The following ZNF567 variants were observed in gnomAD, a reference collection of about 807,000 sequenced individuals.
ZNF567 encodes zinc finger protein 567.
Under a neutral mutation model 53.9 loss-of-function variants are expected in ZNF567, and 36 were observed. That is an observed-to-expected ratio of 0.67 (90% CI 0.51 to 0.88). The LOEUF (loss-of-function observed/expected upper bound fraction) is 0.88. Ranked by LOEUF, ZNF567 falls within the 40% of genes least tolerant of loss-of-function variation. The pLI is 0.00. For synonymous variants in ZNF567, 224 were observed against 260.4 expected (o/e 0.86, Z 1.35); for missense variants, 619 against 764.7 (o/e 0.81, Z 2.25).
At chr19:36,679,622 A>G in the ZNF567 span, among the ~76,000 whole-genome samples, 1 of 152,230 alleles carries the variant, frequency 6.6e-6, no homozygotes, top group African/African-American at 2.4e-5. Context: ...AATGGAGGAT[A>G]TATACACAGT....
rs1357977301 is a variant in ZNF567 at position 36,719,135 on chromosome 19, T to G, written c.411T>G (p.His137Gln). Residue 137 changes from histidine to glutamine, a missense_variant, in exon 6 of 6, where the codon CAT (histidine) becomes CAG (glutamine). Physicochemically the swap from His to Gln is conservative, Grantham distance 24. Transcript: ENST00000682579. ...ATCTACCTCCTGAATATGATACTCA[T>G]GGAAGGATTTTGAAAAATGTTTCAG... ...SKNLPPEYDT[H>Q]GRILKNVSEL... is the part of the protein sequence containing the mutation. The G allele has an allele frequency of 1.2e-6, 2 of 1,611,664 alleles. No individual in the cohort carries two copies. The highest frequency in any genetic ancestry group is 1.7e-5 in the Admixed American group (1 of 59,540).
intron 3 of ZNF567, among the ~76,000 whole-genome samples, chr19:36,706,712 C>A (rs2039513592): frequency 8.2e-6 from 1 of 122,598 alleles, no homozygotes; most frequent in Non-Finnish European, 1.6e-5. Context: ...CTTGTTCTGT[C>A]ACCCAGACTG....
Position 36,719,249 on chromosome 19 carries a change from G to T in ZNF567, c.525G>T (p.Glu175Asp). The change falls in exon 6 of 6, where the codon GAG (glutamate) becomes GAT (aspartate). Residue 175 changes from glutamate to aspartate, a missense_variant. Coordinates refer to ENST00000682579, the MANE Select transcript of ZNF567 (RefSeq NM_001322917.1). ...YGKSLLSTKQ[E>D]TTHPEVKSHN... Reference sequence around the variant, plus strand: ...AATCACTCCTGAGTACTAAACAAGAGACTACTCATCCTGAAGTCAAATCCC... The same window carrying T: ...AATCACTCCTGAGTACTAAACAAGATACTACTCATCCTGAAGTCAAATCCC... The T allele has an allele frequency of 6.2e-7, 1 of 1,613,946 alleles. No homozygotes were observed. The highest frequency in any genetic ancestry group is 8.5e-7 in the Non-Finnish European group (1 of 1,179,950).
intron 2 of ZNF567, among the ~76,000 whole-genome samples, chr19:36,690,118 CA>C (rs1231247371): frequency 6.6e-6 from 1 of 151,982 alleles, no homozygotes; most frequent in Non-Finnish European, 1.5e-5. Context: ...AAAAATTGAA[CA>C]GTGATAACAA....
intron 3 of ZNF567, chr19:36,711,537 A>G (rs1426425220): frequency 6.6e-6 from 1 of 152,168 alleles, no homozygotes; most frequent in East Asian, 1.9e-4. Flanking sequence ...TGTTTATTGT[A>G]TGGCATGTGC....
At chr19:36,667,781 C>T in the ZNF567 span, among the ~76,000 whole-genome samples, 665 of 151,630 alleles carry the variant, frequency 4.4e-3, 7 homozygotes, top group African/African-American at 0.015. Context: ...TCCCGAGTAG[C>T]TGGGACTACA....
In ZNF567 at chr19:36,720,248, T is replaced by G. The variant is rs772716169; in HGVS notation, c.1524T>G (p.Asn508Lys). 6.2e-7 allele frequency: 1 copy of G among 1,614,108 alleles called. No individual in the cohort carries two copies. Among genetic ancestry groups the G allele is most frequent in the Admixed American group, 1.7e-5 (1 of 60,014 alleles). The change falls in exon 6 of 6, where the codon AAT (asparagine) becomes AAG (lysine). Residue 508 changes from asparagine (N) to lysine (K), a missense_variant. By Grantham distance (94) the Asn-to-Lys change is moderately conservative. Coordinates refer to ENST00000682579, the MANE Select transcript of ZNF567 (RefSeq NM_001322917.1). ...THTGEKPYEC[N>K]ECGKSFSQKT... Reference sequence around the variant, plus strand: ...CAGGAGAGAAACCATATGAATGTAATGAATGTGGTAAATCATTCAGTCAAA... The same window carrying G: ...CAGGAGAGAAACCATATGAATGTAAGGAATGTGGTAAATCATTCAGTCAAA...
intron 3 of ZNF567, among the ~76,000 whole-genome samples, chr19:36,697,965 G>A (rs2038975039): frequency 1.4e-5 from 2 of 146,308 alleles, no homozygotes. Context: ...GGGTACATGT[G>A]CACAATGTGC....
At chr19:36,676,169 G>C in the ZNF567 span, among the ~76,000 whole-genome samples, 1 of 140,106 alleles carries the variant, frequency 7.1e-6, no homozygotes, top group Admixed American at 7.6e-5. Context: ...TGGGTCAAGC[G>C]ATTATCCTGC....
upstream of ZNF567, chr19:36,685,728 A>G (rs2145480111): frequency 1.3e-5 from 2 of 152,254 alleles, 1 homozygote; most frequent in South Asian, 4.1e-4. Flanking sequence ...AAAGTTAAAC[A>G]CCTGTTTCAG....
upstream of ZNF567, chr19:36,685,794 T>G (rs1257454252): frequency 6.6e-6 from 1 of 152,188 alleles, no homozygotes; most frequent in African/African-American, 2.4e-5. Flanking sequence ...AAAAAACAAT[T>G]AGCTTATTAT....
chr19:36,699,400 T>C (rs1430789405), intron 3 of ZNF567, among the ~76,000 whole-genome samples: 1 of 152,214 alleles, frequency 6.6e-6, no homozygotes, highest in Non-Finnish European at 1.5e-5. Context: ...GACTTGGCGA[T>C]GTGGGCTCTT....
upstream of ZNF567, among the ~76,000 whole-genome samples, chr19:36,685,282 G>A (rs1443632793): frequency 1.3e-5 from 2 of 151,960 alleles, no homozygotes; most frequent in Admixed American, 6.6e-5. Context: ...AGCAAGACTC[G>A]GTCTCAAAAC....
At position 36,719,552 on chromosome 19, in the gene ZNF567, A is replaced by T; in HGVS notation, c.828A>T (p.Ser276=). ...TGATTCTGCATCAGGGAATTCACTCAGAAGAAAAACCCTATCAATGTCATC... is the reference window on the plus strand; with the variant it reads ...TGATTCTGCATCAGGGAATTCACTCTGAAGAAAAACCCTATCAATGTCATC... ...SVLILHQGIH[S]EEKPYQCHQC... The change falls in exon 6 of 6, where the codon TCA becomes TCT. Residue 276 remains serine, a synonymous_variant. Coordinates refer to ENST00000682579, the MANE Select transcript of ZNF567 (RefSeq NM_001322917.1). 1 of 1,614,166 alleles carries T rather than the reference A, an allele frequency of 6.2e-7. No individual in the cohort carries two copies. The highest frequency in any genetic ancestry group is 8.5e-7 in the Non-Finnish European group (1 of 1,180,030).
upstream of ZNF567, among the ~76,000 whole-genome samples, chr19:36,683,574 C>G (rs895231542): frequency 6.6e-6 from 1 of 152,170 alleles, no homozygotes; most frequent in Non-Finnish European, 1.5e-5. Flanking sequence ...TGGCTCACGC[C>G]TGTAATCCCA....
At position 36,720,495 on chromosome 19, in the gene ZNF567, T is replaced by C. The variant is rs368060306; in HGVS notation, c.1771T>C (p.Cys591Arg). ...TCATACGGGAGAGAAACCATATAAA[T>C]GTAGTGAATGTGGAAAGTGCTTCCG... is the stretch of plus-strand genomic sequence containing the variant. ...RTHTGEKPYK[C>R]SECGKCFRQK... The change falls in exon 6 of 6, where the codon TGT (cysteine) becomes CGT (arginine). Residue 591 changes from cysteine to arginine, a missense_variant. Transcript: ENST00000682579. The C allele has an allele frequency of 1.2e-6, 2 of 1,613,888 alleles. No homozygotes were observed. Among genetic ancestry groups the C allele is most frequent in the South Asian group, 1.1e-5 (1 of 91,082 alleles).
intron 4 of ZNF567, 75 bp from the exon 5 acceptor site, chr19:36,712,706 A>G: frequency 6.8e-7 from 1 of 1,470,774 alleles, no homozygotes; most frequent in African/African-American, 1.4e-5. Flanking sequence ...AATTTGCAGT[A>G]CTGAACATGC....
rs35115492 is a variant in ZNF567 at position 36,710,280 on chromosome 19, CTTTTTTTTTTT to C, written c.10-2094_10-2084del. 3.9e-5 allele frequency among the ~76,000 whole-genome samples: 3 copies of C among 76,098 alleles called. No individual in the cohort carries two copies. In the South Asian group the frequency reaches 1.5e-3, roughly 39 times the overall value. The allele number at this position is 76,098 out of a possible 152,430, so 49.9% of individuals were successfully genotyped here. On this transcript the variant is annotated intron_variant, in intron 3 of 5. Coordinates refer to ENST00000682579, the MANE Select transcript of ZNF567 (RefSeq NM_001322917.1). ...ACATTTAGAACAGCTACTTTGAAGC[CTTTTTTTTTTT>C]TTTTTTTTTTTGGCAAAATCTGACA...
At chr19:36,699,535 T>C (rs993617332) in intron 3 of ZNF567, among the ~76,000 whole-genome samples, 11 of 152,232 alleles carry the variant, frequency 7.2e-5, no homozygotes, top group African/African-American at 2.7e-4. Flanking sequence ...TTCACGATAT[T>C]GATTCTTCCT....
Sources: gnomAD v4.1 joint callset for allele counts (sites outside exome capture counted in the v4.1 genomes callset) on GRCh38, gnomAD v4.1.1 for gene constraint, MANE v1.5 for transcripts, NCBI Gene and HGNC (gene_info 2026-07-23, HGNC 2026-07-21) for gene names.